Variants in EDIL3 observed in about 807,000 individuals in gnomAD.
EDIL3 encodes the protein EGF like and discoidin domains 3, also known as EGF-like repeat and discoidin I-like domain-containing protein 3.
EDIL3 carries 37 observed loss-of-function variants against 67.4 expected under a neutral mutation model. The observed-to-expected ratio is 0.55, with a 90% CI of 0.42 to 0.72. The LOEUF is 0.72. EDIL3 is among the 30% of genes least tolerant of loss of function. The pLI is 0.00. For missense variants in EDIL3, 527 were observed against 586.3 expected, an observed-to-expected ratio of 0.90 and a Z score of 1.04; for synonymous variants, 195 against 196.3, an observed-to-expected ratio of 0.99 and a Z score of 0.05.
Position 84,180,488 on chromosome 5 carries a change from C to T in EDIL3, c.260G>A (p.Gly87Glu), listed in dbSNP as rs1218864909. The change falls in exon 4 of 11, where the codon GGA becomes GAA. Residue 87 changes from glycine to glutamate, a missense_variant. Around this residue, in one of 2 missense-constraint regions of EDIL3, gnomAD observed 494 missense variants for 522.5 expected, o/e 0.95. Transcript: ENST00000296591. ...PCTPNPCHNG[G>E]TCEISEAYRG... ...GTATGCTTCACTTATTTCACAGGTT[C>T]CTCCATTATGGCATGGATTAGGAGT... 6.8e-6 allele frequency: 11 copies of T among 1,606,426 alleles called. No homozygotes were observed. Among genetic ancestry groups the T allele is most frequent in the Non-Finnish European group, 9.4e-6 (11 of 1,176,344 alleles).
chr5:84,151,306 C>T (rs1748385571), intron 4 of EDIL3, among the ~76,000 whole-genome samples: 1 of 151,500 alleles, frequency 6.6e-6, no homozygotes, highest in Admixed American at 6.6e-5. Context: ...CCCCGACACT[C>T]CATGACAATA....
chr5:84,326,124 T>C (rs776230946), intron 1 of EDIL3, among the ~76,000 whole-genome samples: 2 of 152,024 alleles, frequency 1.3e-5, no homozygotes, highest in Non-Finnish European at 2.9e-5. Context: ...AAAACCCAGT[T>C]TGGCCCTCTC....
chr5:84,249,055 T>C (rs1744968802), intron 2 of EDIL3, among the ~76,000 whole-genome samples: 1 of 152,208 alleles, frequency 6.6e-6, no homozygotes, highest in East Asian at 1.9e-4. Context: ...CTGCCACTTG[T>C]CACCATCCTC....
chr5:84,047,051 T>C (rs1426883973), intron 9 of EDIL3, among the ~76,000 whole-genome samples: 6 of 152,198 alleles, frequency 3.9e-5, no homozygotes, highest in Non-Finnish European at 8.8e-5. Context: ...TGTTTTGTTA[T>C]AACAGGTGCC....
chr5:84,298,772 CAAATT>C (rs1194819981), intron 1 of EDIL3, among the ~76,000 whole-genome samples: 2 of 152,282 alleles, frequency 1.3e-5, no homozygotes, highest in East Asian at 3.9e-4. Context: ...GTTCTCCTCT[CAAATT>C]GAACAAAATT....
chr5:84,174,706 A>T (rs1386099367), intron 4 of EDIL3, among the ~76,000 whole-genome samples: 2 of 152,114 alleles, frequency 1.3e-5, no homozygotes, highest in Non-Finnish European at 2.9e-5. Context: ...CTAGAACAAG[A>T]CGGACTGTTG....
rs979748082 is a variant in EDIL3, at chr5:84,367,492, G to A, written c.67+16816C>T. On this transcript the variant is annotated intron_variant, in intron 1 of 10. Transcript: ENST00000296591. ...GAATCTCAGCACTCAATATAAAAAG[G>A]GAATCTGAGCTAGGAGCGGTGGCTC... 1.2e-4 allele frequency among the ~76,000 whole-genome samples: 18 copies of A among 152,190 alleles called. No individual in the cohort carries two copies. In the South Asian group the frequency reaches 1.2e-3, roughly 11 times the overall value.
chr5:84,309,316 T>TG (rs1359185454), intron 1 of EDIL3, among the ~76,000 whole-genome samples: 1 of 150,656 alleles, frequency 6.6e-6, no homozygotes, highest in African/African-American at 2.4e-5. Context: ...TTTCTTTGTT[T>TG]TTTTTTTTTT....
At chr5:84,184,158 G>A (rs1035471056) in intron 3 of EDIL3, among the ~76,000 whole-genome samples, 5 of 152,090 alleles carry the variant, frequency 3.3e-5, no homozygotes, top group African/African-American at 1.2e-4. Context: ...GTGATTCCAA[G>A]GAAGGAGGTA....
At chr5:83,943,637 GT>G in intron 10 of EDIL3, 69 bp from the exon 11 acceptor site, 1 of 1,546,836 alleles carries the variant, frequency 6.5e-7, no homozygotes, top group Admixed American at 1.9e-5. Context: ...TTATGTTCCT[GT>G]TTGGAACATT....
chr5:84,361,558 A>G (rs1011207589), intron 1 of EDIL3, among the ~76,000 whole-genome samples: 2 of 152,006 alleles, frequency 1.3e-5, no homozygotes, highest in Admixed American at 6.6e-5. Context: ...TTTTAGATTT[A>G]ATAGGTTAGA....
At chr5:84,167,327 T>C (rs1047221240) in intron 4 of EDIL3, among the ~76,000 whole-genome samples, 7 of 151,974 alleles carry the variant, frequency 4.6e-5, no homozygotes, top group African/African-American at 1.7e-4. Context: ...ACCAGAACAA[T>C]AGCGTTCATG....
chr5:84,074,300 T>A (rs1307576231), intron 6 of EDIL3, among the ~76,000 whole-genome samples: 1 of 150,838 alleles, frequency 6.6e-6, no homozygotes, highest in East Asian at 2.0e-4. Flanking sequence ...AAGGACTTCA[T>A]GTCTAAAACA....
intron 4 of EDIL3, among the ~76,000 whole-genome samples, chr5:84,170,587 G>A (rs1275164057): frequency 6.6e-6 from 1 of 152,052 alleles, no homozygotes; most frequent in Non-Finnish European, 1.5e-5. Flanking sequence ...GACTTTAGGG[G>A]AGAATGAAAT....
chr5:84,363,482 T>G (rs1419746562), intron 1 of EDIL3, among the ~76,000 whole-genome samples: 3 of 151,502 alleles, frequency 2.0e-5, no homozygotes, highest in Non-Finnish European at 4.4e-5. Flanking sequence ...CAAAAATAAG[T>G]TATAGTCCAT....
chr5:84,303,935 G>A (rs1051822665), intron 1 of EDIL3, among the ~76,000 whole-genome samples: 12 of 150,706 alleles, frequency 8.0e-5, no homozygotes, highest in South Asian at 2.1e-4. Context: ...TATATATACC[G>A]TTTTACAGCT....
chr5:84,201,393 G>A (rs1743833187), intron 3 of EDIL3, among the ~76,000 whole-genome samples: 1 of 152,018 alleles, frequency 6.6e-6, no homozygotes, highest in South Asian at 2.1e-4. Context: ...TAGCTCCATG[G>A]AAAATGTTAT....
chr5:84,196,566 CCT>C (rs1451111768), intron 3 of EDIL3, among the ~76,000 whole-genome samples: 9 of 151,882 alleles, frequency 5.9e-5, no homozygotes, highest in Non-Finnish European at 1.5e-5. Context: ...GTCCCTCTCC[CCT>C]GTTAGAATGT....
chr5:84,023,069 C>T (rs1336547978), intron 9 of EDIL3, among the ~76,000 whole-genome samples: 1 of 151,848 alleles, frequency 6.6e-6, no homozygotes, highest in Non-Finnish European at 1.5e-5. Context: ...AAAATAATAA[C>T]TTATTTAAAA....
Sources: allele counts gnomAD v4.1 joint callset (sites outside exome capture counted in the v4.1 genomes callset), GRCh38; gene constraint gnomAD v4.1.1; regional missense constraint gnomAD v4.1.1; transcripts MANE v1.5; gene names NCBI Gene and HGNC (gene_info 2026-07-23, HGNC 2026-07-21).